The following GRAMD4 variants were observed in gnomAD, a reference collection of about 807,000 sequenced individuals.
GRAMD4 encodes GRAM domain containing 4.
In GRAMD4, 25 loss-of-function variants were observed where a neutral mutation model predicts 83.9. The ratio of observed to expected loss-of-function variants is 0.30; its 90% CI spans 0.22 to 0.42. GRAMD4 has a LOEUF of 0.42. GRAMD4 is among the 10% of genes least tolerant of loss of function. GRAMD4 has a pLI of 1.00. For synonymous variants in GRAMD4, 336 were observed against 320.9 expected (o/e 1.05, Z -0.50); for missense variants, 593 against 788.7 (o/e 0.75, Z 2.97).
At chr22:46,637,243 C>T (rs2081904180) in intron 2 of GRAMD4, among the ~76,000 whole-genome samples, 1 of 142,792 alleles carries the variant, frequency 7.0e-6, no homozygotes, top group South Asian at 2.2e-4. Flanking sequence ...CTTAGCGCCA[C>T]TTATCCAGTT....
At position 46,659,213 on chromosome 22, in the gene GRAMD4, C is replaced by T. The variant is rs141657166; in HGVS notation, c.404+906C>T. Among the ~76,000 whole-genome samples the T allele has an allele frequency of 4.1e-4, 62 of 152,026 alleles. No individual in the cohort carries two copies. Among genetic ancestry groups the T allele is most frequent in the African/African-American group, 7.7e-4 (32 of 41,494 alleles). On this transcript the variant is annotated intron_variant, in intron 4 of 18. Transcript: ENST00000406902. This position sits in a 1 kb window ranked among gnomAD's most constrained non-coding sequence, Gnocchi z 4.1. ...CCTCCACTCCAGCAGCCTCCTGCTT[C>T]GGCCTCCCTCTCAGCCTCCACTCCC...
chr22:46,578,299 G>C (rs2147885174), intron 1 of GRAMD4, among the ~76,000 whole-genome samples: 1 of 152,270 alleles, frequency 6.6e-6, no homozygotes, highest in Middle Eastern at 3.4e-3. Flanking sequence ...GCTGGGCCTG[G>C]GAGGGAGGTC....
intron 1 of GRAMD4, among the ~76,000 whole-genome samples, chr22:46,625,123 G>A (rs1204859762): frequency 6.6e-6 from 1 of 152,168 alleles, no homozygotes. Context: ...GCCTCCCAAA[G>A]TGCTGGAATT....
At chr22:46,579,446 T>A (rs1042149394) in intron 1 of GRAMD4, among the ~76,000 whole-genome samples, 1 of 152,220 alleles carries the variant, frequency 6.6e-6, no homozygotes, top group African/African-American at 2.4e-5. Context: ...GAAAGTGTTA[T>A]TGGAGCCTAG....
At chr22:46,681,299 T>C (rs181416404), downstream of GRAMD4, among the ~76,000 whole-genome samples, 177 of 152,316 alleles carry the variant, frequency 1.2e-3, no homozygotes, top group South Asian at 1.9e-3. Flanking sequence ...CCACCCACCC[T>C]CGGCCCACAG....
intron 2 of GRAMD4, among the ~76,000 whole-genome samples, chr22:46,628,678 C>T (rs2081715710): frequency 6.6e-6 from 1 of 151,044 alleles, no homozygotes. Context: ...GGGGCCAGGG[C>T]CAGGGTTGCA....
In GRAMD4 at chr22:46,663,061, C is replaced by A; in HGVS notation, c.488C>A (p.Ser163Tyr). The A allele has an allele frequency of 3.1e-6, 5 of 1,611,542 alleles. No homozygotes were observed. The highest frequency in any genetic ancestry group is 4.2e-6 in the Non-Finnish European group (5 of 1,179,140). ...NGAERRSQGL[S>Y]SRLQKWFYER... ...GCAGAGCGCCGGAGCCAGGGGCTGTCCTCGCGCCTGCAGAAGTGGTTCTAC... is the reference window on the plus strand; with the variant it reads ...GCAGAGCGCCGGAGCCAGGGGCTGTACTCGCGCCTGCAGAAGTGGTTCTAC... Residue 163 changes from serine to tyrosine, a missense_variant, in exon 6 of 19, where the codon TCC (serine) becomes TAC (tyrosine). By Grantham distance (144) the Ser-to-Tyr change is moderately radical (BLOSUM62 -2). This residue lies in a region of GRAMD4 where 312 missense variants were observed against 350.7 expected (regional missense o/e 0.89). Coordinates refer to ENST00000406902, the MANE Select transcript of GRAMD4 (RefSeq NM_015124.5).
At position 46,677,445 on chromosome 22, in the gene GRAMD4, G is replaced by A; in HGVS notation, c.*194G>A. On this transcript the variant is annotated 3_prime_UTR_variant, in exon 19 of 19. Transcript: ENST00000406902. ...AGGGGCCAGGGCTCACAGGGACGGG[G>A]GTGCCCCTCTCCCACAGGGCACGTC... The A allele has an allele frequency of 3.0e-6, 4 of 1,351,182 alleles. No individual in the cohort carries two copies. The highest frequency in any genetic ancestry group is 3.8e-6 in the Non-Finnish European group (4 of 1,050,824). 83.7% of individuals were successfully genotyped at this position (1,351,182 alleles called of 1,614,324 possible).
chr22:46,582,205 C>T (rs535336093), intron 1 of GRAMD4, among the ~76,000 whole-genome samples: 1 of 152,250 alleles, frequency 6.6e-6, no homozygotes, highest in South Asian at 2.1e-4. Flanking sequence ...GCTGGGAAAC[C>T]GTGAAGCTTT....
At chr22:46,646,089 T>G (rs1016527493) in intron 3 of GRAMD4, among the ~76,000 whole-genome samples, 2 of 152,206 alleles carry the variant, frequency 1.3e-5, no homozygotes, top group East Asian at 1.9e-4. Flanking sequence ...CGTGACTGCC[T>G]TTCTTCTTCC....
intron 1 of GRAMD4, among the ~76,000 whole-genome samples, chr22:46,583,837 A>G (rs954352924): frequency 1.3e-5 from 2 of 152,086 alleles, no homozygotes; most frequent in African/African-American, 4.8e-5. Flanking sequence ...TCCTCCTTCC[A>G]GTACTGTTGC....
chr22:46,580,707 G>A (rs192453381), intron 1 of GRAMD4, among the ~76,000 whole-genome samples: 144 of 152,336 alleles, frequency 9.5e-4, no homozygotes, highest in African/African-American at 3.2e-3. Flanking sequence ...GCTCACGCCT[G>A]TAATCCCAAC....
At chr22:46,641,027 C>G (rs1211234450) in intron 3 of GRAMD4, among the ~76,000 whole-genome samples, 2 of 152,238 alleles carry the variant, frequency 1.3e-5, no homozygotes, top group African/African-American at 4.8e-5. Context: ...GATCGAGCCG[C>G]TGCACTCCAG....
At position 46,674,676 on chromosome 22, in the gene GRAMD4, C is replaced by T. The variant is rs892739434; in HGVS notation, c.1404C>T (p.Arg468=). ...CATTAGTGTGCGAGAATGGCTGGCG[C>T]TGCTGCCTCATCAACAGGGACCGGA... The part of the protein sequence containing the change: ...RPLAVCENGW[R]CCLINRDRKM... The change falls in exon 16 of 19, where the codon CGC becomes CGT. Residue 468 remains arginine, a synonymous_variant. Transcript: ENST00000406902. 6.2e-6 allele frequency: 10 copies of T among 1,611,994 alleles called. No individual in the cohort carries two copies. Among genetic ancestry groups the T allele is most frequent in the Non-Finnish European group, 8.5e-6 (10 of 1,178,866 alleles).
chr22:46,678,397 C>T lies in GRAMD4; in HGVS notation c.*1146C>T. 2 of 984,748 alleles carry T rather than the reference C, an allele frequency of 2.0e-6. No homozygotes were observed. The highest frequency in any genetic ancestry group is 5.2e-4 in the Middle Eastern group (1 of 1,916). 61.0% of individuals were successfully genotyped at this position (984,748 alleles called of 1,614,324 possible). On this transcript the variant is annotated 3_prime_UTR_variant, in exon 19 of 19. Transcript: ENST00000406902. The stretch of plus-strand genomic sequence containing the variant: ...CGGTGCCGGTCCGGGCACAGACCCC[C>T]CCAGCCCCCGCCCTGCCCCAGGGAA...
intron 18 of GRAMD4, 56 bp from the exon 19 acceptor site, chr22:46,677,091 G>C: frequency 1.9e-6 from 3 of 1,605,380 alleles, no homozygotes; most frequent in Non-Finnish European, 2.5e-6. Context: ...CTCGGTCCTG[G>C]TCCTGGCGCC....
upstream of GRAMD4, among the ~76,000 whole-genome samples, chr22:46,618,618 AT>A (rs1416674537): frequency 2.0e-5 from 3 of 152,062 alleles, no homozygotes; most frequent in Non-Finnish European, 4.4e-5. This position sits in a 1 kb window ranked among gnomAD's most constrained non-coding sequence, Gnocchi z 5.8. Context: ...GCAGAGGCTG[AT>A]TTTGCCTTTG....
rs996322337 is a variant in GRAMD4 at position 46,672,271 on chromosome 22, G to C, written c.1085-572G>C. On this transcript the variant is annotated intron_variant, in intron 13 of 18. Transcript: ENST00000406902. This position sits in a 1 kb window ranked among gnomAD's most constrained non-coding sequence, Gnocchi z 4.7. Reference sequence around the variant, plus strand: ...CATGATTGTGTCAGGTGACAGTATCGGGGAGAAAACGGAGCTGGTGGAGGG... The same window carrying C: ...CATGATTGTGTCAGGTGACAGTATCCGGGAGAAAACGGAGCTGGTGGAGGG... Among the ~76,000 whole-genome samples the C allele has an allele frequency of 4.6e-5, 7 of 152,186 alleles. No individual in the cohort carries two copies. Among genetic ancestry groups the C allele is most frequent in the African/African-American group, 1.4e-4 (6 of 41,438 alleles).
chr22:46,583,973 C>T (rs377752933), intron 1 of GRAMD4, among the ~76,000 whole-genome samples: 50 of 152,306 alleles, frequency 3.3e-4, no homozygotes, highest in Admixed American at 9.8e-4. Flanking sequence ...TCTCTTCTCC[C>T]CATTTATCAG....
Sources: allele counts gnomAD v4.1 joint callset (sites outside exome capture counted in the v4.1 genomes callset), GRCh38; gene constraint gnomAD v4.1.1; regional missense constraint gnomAD v4.1.1; non-coding constraint Gnocchi (gnomAD v3.1); transcripts MANE v1.5; gene names NCBI Gene and HGNC (gene_info 2026-07-23, HGNC 2026-07-21).